DNAH14: variants seen among roughly 807,000 people sequenced by gnomAD.
DNAH14 encodes the protein axonemal beta dynein heavy chain 14.
In DNAH14, 478 loss-of-function variants were observed where a neutral mutation model predicts 520.9. The ratio of observed to expected loss-of-function variants is 0.92; its 90% CI spans 0.85 to 0.99. The LOEUF is 0.99. DNAH14 is among the 50% of genes least tolerant of loss of function. The pLI is 0.00. For missense variants in DNAH14, 4,831 were observed against 5,234.5 expected (o/e 0.92, Z 2.38); for synonymous variants, 1,581 against 1,757.2 (o/e 0.90, Z 2.51).
At chr1:225,368,113 TG>T in intron 77 of DNAH14, 81 bp downstream of exon 77, 1 of 1,206,442 alleles carries the variant, frequency 8.3e-7, no homozygotes, top group Non-Finnish European at 1.1e-6. Context: ...CCTACACAAA[TG>T]TGAGTGTTTT....
At chr1:225,244,243 GA>G (rs1449775629) in intron 43 of DNAH14, among the ~76,000 whole-genome samples, 1 of 152,142 alleles carries the variant, frequency 6.6e-6, no homozygotes, top group Non-Finnish European at 1.5e-5. Context: ...TGTGCTGCTG[GA>G]TTCATTTTGC....
At chr1:225,003,948 T>G (rs984134741) in intron 9 of DNAH14, among the ~76,000 whole-genome samples, 4 of 152,012 alleles carry the variant, frequency 2.6e-5, no homozygotes, top group Non-Finnish European at 5.9e-5. Context: ...ATAAAAGACT[T>G]TAAAATACCT....
chr1:225,264,052 T>C (rs2093029669), intron 46 of DNAH14, 145 bp from the exon 47 acceptor site: 1 of 613,854 alleles, frequency 1.6e-6, no homozygotes, highest in South Asian at 2.1e-5. Context: ...ACTAATTTCA[T>C]CTGAAAAGGT....
At chr1:225,323,077 A>G (rs978063997) in intron 62 of DNAH14, among the ~76,000 whole-genome samples, 1 of 152,200 alleles carries the variant, frequency 6.6e-6, no homozygotes, top group Non-Finnish European at 1.5e-5. Flanking sequence ...AAACTGTGTG[A>G]TACCGTTTAG....
At chr1:225,396,469 A>G (rs1234308825) in intron 84 of DNAH14, 1 of 152,214 alleles carries the variant, frequency 6.6e-6, no homozygotes, top group Non-Finnish European at 1.5e-5. Context: ...GAGGCAGATC[A>G]TAAGCTTTGA....
intron 23 of DNAH14, among the ~76,000 whole-genome samples, chr1:225,101,913 TTAAG>T (rs112262896): frequency 0.072 from 10,989 of 151,976 alleles, 601 homozygotes; most frequent in East Asian, 0.23. Flanking sequence ...TTTTAATACT[TTAAG>T]TTTTAGGGTA....
intron 81 of DNAH14, among the ~76,000 whole-genome samples, chr1:225,386,615 AC>A (rs1312700714): frequency 1.3e-5 from 2 of 152,274 alleles, no homozygotes; most frequent in Non-Finnish European, 2.9e-5. Flanking sequence ...TATGCAGCCA[AC>A]AGACACATGA....
intron 3 of DNAH14, among the ~76,000 whole-genome samples, chr1:224,959,687 G>T (rs1156252799): frequency 6.6e-6 from 1 of 151,976 alleles, no homozygotes; most frequent in African/African-American, 2.4e-5. Flanking sequence ...TCTCTGCTCA[G>T]TTATCAAATT....
At chr1:225,008,575 C>CTTTTTTTTTTTTTTTTTTTTTTTTTTTT (rs57331050) in intron 10 of DNAH14, among the ~76,000 whole-genome samples, 1 of 98,308 alleles carries the variant, frequency 1.0e-5, no homozygotes, top group Admixed American at 1.3e-4. Context: ...TTTTTCCTGA[C>CTTTTTTTTTTTTTTTTTTTTTTTTTTTT]TTTTTTTTTT....
rs867188046 is a variant in DNAH14 at position 225,129,456 on chromosome 1, G to A, written c.4254+5842G>A. The stretch of plus-strand genomic sequence containing the variant: ...CAGTAACCAAAACAGCATGGTACTG[G>A]TACCAAAACAGAGATATAGATCAAT... On this transcript the variant is annotated intron_variant, in intron 27 of 85. Transcript: ENST00000682510. Among the ~76,000 whole-genome samples, 115 of 151,516 alleles carry A rather than the reference G, an allele frequency of 7.6e-4. No homozygotes were observed. In the Middle Eastern group the frequency reaches 0.024, roughly 32 times the overall value.
chr1:225,372,223 GT>G (rs2095627716), intron 77 of DNAH14, among the ~76,000 whole-genome samples: 1 of 152,046 alleles, frequency 6.6e-6, no homozygotes, highest in Non-Finnish European at 1.5e-5. Flanking sequence ...TATTAGAGAA[GT>G]TTCAGAATTA....
At chr1:225,241,648 G>T (rs964263955) in intron 43 of DNAH14, among the ~76,000 whole-genome samples, 3 of 152,152 alleles carry the variant, frequency 2.0e-5, no homozygotes, top group Non-Finnish European at 4.4e-5. Flanking sequence ...CTACAAATAT[G>T]TACAGCATGT....
chr1:225,274,222 T>TTA (rs2093402410), intron 52 of DNAH14, among the ~76,000 whole-genome samples: 1 of 137,132 alleles, frequency 7.3e-6, no homozygotes, highest in Non-Finnish European at 1.5e-5. Context: ...TTTTTTTTTT[T>TTA]GAGACGGAGT....
chr1:225,264,134 T>C, intron 46 of DNAH14, 63 bp from the exon 47 acceptor site: 2 of 1,346,058 alleles, frequency 1.5e-6, no homozygotes, highest in South Asian at 2.7e-5. Context: ...TTTTTTGTTG[T>C]TGTTTAATAT....
Position 225,361,768 on chromosome 1 carries a change from C to T in DNAH14, c.11987+877C>T, listed in dbSNP as rs534133013. ...GGCACAGTGGCTCACGCCTATAGTC[C>T]CAATGCTTTGGGGAGCCAAGGCAAG... On this transcript the variant is annotated intron_variant, in intron 75 of 85. Transcript: ENST00000682510. Among the ~76,000 whole-genome samples, 13 of 152,258 alleles carry T rather than the reference C, an allele frequency of 8.5e-5. No individual in the cohort carries two copies. The East Asian group carries it at 2.5e-3, about 29-fold the overall frequency.
chr1:225,348,323 C>T (rs571537471), intron 71 of DNAH14, among the ~76,000 whole-genome samples: 19 of 151,936 alleles, frequency 1.3e-4, no homozygotes, highest in African/African-American at 4.3e-4. Context: ...AAGAAACAAT[C>T]GCTAAATACT....
intron 17 of DNAH14, among the ~76,000 whole-genome samples, chr1:225,070,690 G>A (rs1245919597): frequency 1.3e-5 from 2 of 152,152 alleles, no homozygotes; most frequent in African/African-American, 4.8e-5. Context: ...TATTGTTTTT[G>A]TGTGGAGAGT....
Position 225,207,081 on chromosome 1 carries a change from C to A in DNAH14, c.6300C>A (p.Val2100=). Residue 2100 remains valine, a synonymous_variant, in exon 41 of 86, where the codon GTC becomes GTA. Coordinates refer to ENST00000682510, the MANE Select transcript of DNAH14 (RefSeq NM_001367479.1). ...DCLEFMIKNS[V]TDGLQFIRNR... ...TTGAATTCATGATTAAAAATAGTGT[C>A]ACAGACGGACTACAATTTATAAGGA... 6.4e-7 allele frequency: 1 copy of A among 1,550,884 alleles called. No individual in the cohort carries two copies. The highest frequency in any genetic ancestry group is 1.2e-5 in the South Asian group (1 of 83,972).
At chr1:225,027,867 C>CTT (rs35422787) in intron 11 of DNAH14, among the ~76,000 whole-genome samples, 32 of 149,452 alleles carry the variant, frequency 2.1e-4, no homozygotes, top group Admixed American at 4.7e-4. Context: ...TTGTCAAATG[C>CTT]TTTTTTTTTT....
Sources: gnomAD v4.1 joint callset for allele counts (sites outside exome capture counted in the v4.1 genomes callset) on GRCh38, gnomAD v4.1.1 for gene constraint, MANE v1.5 for transcripts, NCBI Gene and HGNC (gene_info 2026-07-23, HGNC 2026-07-21) for gene names.